FRMD6: variants seen among roughly 807,000 people sequenced by gnomAD.
FRMD6 encodes the protein FERM domain containing 6, also known as FERM domain-containing protein 6.
Under a neutral mutation model 73.2 loss-of-function variants are expected in FRMD6, and 37 were observed. The ratio of observed to expected loss-of-function variants is 0.51; its 90% CI spans 0.39 to 0.66. The LOEUF is 0.66. Among genes scored for constraint, FRMD6 ranks in the 30% least tolerant of loss-of-function variants. FRMD6 has a pLI of 0.00. For missense variants in FRMD6, 714 were observed against 780.5 expected, an observed-to-expected ratio of 0.91 and a Z score of 1.02; for synonymous variants, 273 against 282.2, an observed-to-expected ratio of 0.97 and a Z score of 0.33.
chr14:51,641,345 A>T (rs1446607315), intron 2 of FRMD6, among the ~76,000 whole-genome samples: 1 of 152,098 alleles, frequency 6.6e-6, no homozygotes, highest in Non-Finnish European at 1.5e-5. Flanking sequence ...ATTAAGTGAA[A>T]AGCTTAGGTT....
chr14:51,602,301 G>A (rs564261090), intron 2 of FRMD6, among the ~76,000 whole-genome samples: 175 of 152,254 alleles, frequency 1.1e-3, no homozygotes, highest in Non-Finnish European at 1.7e-3. Flanking sequence ...CCAGGAGAAG[G>A]GAGGGTTGGA....
intron 1 of FRMD6, among the ~76,000 whole-genome samples, chr14:51,518,160 C>G (rs1243723492): frequency 6.6e-6 from 1 of 152,140 alleles, no homozygotes; most frequent in Admixed American, 6.6e-5. Context: ...ATTGGTGAAG[C>G]ATTATATCAA....
chr14:51,478,276 C>T, the FRMD6 span, among the ~76,000 whole-genome samples: 6 of 152,044 alleles, frequency 3.9e-5, no homozygotes, highest in African/African-American at 4.8e-5. Flanking sequence ...TAAGAAACTG[C>T]GGAAAGATAC....
intron 2 of FRMD6, among the ~76,000 whole-genome samples, chr14:51,696,664 C>G (rs1022264459): frequency 6.6e-6 from 1 of 151,100 alleles, no homozygotes; most frequent in East Asian, 1.9e-4. Flanking sequence ...GTAATCCCAG[C>G]GCTTTGGGAG....
chr14:51,722,873 G>A (rs1897708347), intron 12 of FRMD6, among the ~76,000 whole-genome samples: 1 of 152,190 alleles, frequency 6.6e-6, no homozygotes, highest in Admixed American at 6.5e-5. Context: ...CCCTGCTCTG[G>A]CAAATCCACA....
At chr14:51,634,109 A>G (rs1454003002) in intron 2 of FRMD6, among the ~76,000 whole-genome samples, 1 of 152,222 alleles carries the variant, frequency 6.6e-6, no homozygotes, top group Non-Finnish European at 1.5e-5. Flanking sequence ...TCTTTTTTCT[A>G]CATTGAAATG....
intron 2 of FRMD6, among the ~76,000 whole-genome samples, chr14:51,695,489 G>C (rs1040904946): frequency 4.5e-4 from 69 of 152,220 alleles, no homozygotes; most frequent in African/African-American, 1.4e-3. Flanking sequence ...GTGTTCTCCA[G>C]TGGTGGTGGT....
the FRMD6 span, among the ~76,000 whole-genome samples, chr14:51,406,802 A>C: frequency 6.6e-6 from 1 of 152,212 alleles, no homozygotes; most frequent in East Asian, 1.9e-4. Context: ...CAGTCTTTCA[A>C]ATAATGCTTT....
At chr14:51,403,947 C>T in the FRMD6 span, among the ~76,000 whole-genome samples, 3 of 152,066 alleles carry the variant, frequency 2.0e-5, no homozygotes, top group Admixed American at 6.6e-5. Flanking sequence ...TGTGAACTTA[C>T]AGGACTTGTG....
intron 1 of FRMD6, chr14:51,547,931 G>A (rs908432717): frequency 1.6e-4 from 24 of 149,836 alleles, no homozygotes; most frequent in African/African-American, 5.9e-4. Flanking sequence ...AATTGAACTA[G>A]AAACTGTACC....
chr14:51,469,721 G>C, the FRMD6 span, among the ~76,000 whole-genome samples: 3 of 151,378 alleles, frequency 2.0e-5, no homozygotes, highest in African/African-American at 7.3e-5. Context: ...TCTATCATGA[G>C]AAATACTTTA....
the FRMD6 span, among the ~76,000 whole-genome samples, chr14:51,447,502 T>C: frequency 1.3e-5 from 2 of 152,306 alleles, no homozygotes; most frequent in Admixed American, 6.5e-5. Context: ...AGTATGTCCA[T>C]GTGGACCTCT....
intron 2 of FRMD6, among the ~76,000 whole-genome samples, chr14:51,597,438 C>T (rs898960259): frequency 3.9e-5 from 6 of 152,184 alleles, no homozygotes; most frequent in African/African-American, 1.4e-4. Context: ...AGGGGAGGGA[C>T]CAGATGTGGA....
intron 9 of FRMD6, among the ~76,000 whole-genome samples, chr14:51,713,476 AAT>A (rs1490548374): frequency 6.6e-6 from 1 of 151,736 alleles, no homozygotes; most frequent in Admixed American, 6.6e-5. Flanking sequence ...AAAAAAAAAA[AAT>A]CGTAGTTCTG....
At chr14:51,697,835 G>A (rs1896048060) in intron 2 of FRMD6, among the ~76,000 whole-genome samples, 1 of 151,914 alleles carries the variant, frequency 6.6e-6, no homozygotes, top group African/African-American at 2.4e-5. Flanking sequence ...ATCTGAGTAG[G>A]CTATGCTGCT....
intron 1 of FRMD6, among the ~76,000 whole-genome samples, chr14:51,654,580 G>GTT (rs1203391410): frequency 2.4e-4 from 34 of 141,288 alleles, no homozygotes; most frequent in Non-Finnish European, 6.2e-5. Context: ...AAAGTTGTGG[G>GTT]TTTTTTTTTT....
At chr14:51,528,892 T>A (rs1386028793) in intron 1 of FRMD6, among the ~76,000 whole-genome samples, 1 of 152,168 alleles carries the variant, frequency 6.6e-6, no homozygotes, top group African/African-American at 2.4e-5. Flanking sequence ...CATCCCCCAG[T>A]TTCCTCCTGC....
the FRMD6 span, among the ~76,000 whole-genome samples, chr14:51,455,039 A>C: frequency 6.6e-6 from 1 of 152,196 alleles, no homozygotes; most frequent in African/African-American, 2.4e-5. Flanking sequence ...CTCAGGACAA[A>C]TAGGTAGTCT....
At chr14:51,439,411 T>G in the FRMD6 span, among the ~76,000 whole-genome samples, 2 of 152,162 alleles carry the variant, frequency 1.3e-5, no homozygotes, top group Non-Finnish European at 2.9e-5. Flanking sequence ...TTTATGCATA[T>G]GTCTCAAACT....
Sources: allele counts gnomAD v4.1 joint callset (sites outside exome capture counted in the v4.1 genomes callset), GRCh38; gene constraint gnomAD v4.1.1; transcripts MANE v1.5; gene names NCBI Gene and HGNC (gene_info 2026-07-23, HGNC 2026-07-21).